The following NUDT21 variants were observed in gnomAD, a reference collection of about 807,000 sequenced individuals.
NUDT21 encodes nudix hydrolase 21.
A neutral mutation model predicts 29.8 loss-of-function variants in NUDT21; 5 were observed. That is an observed-to-expected ratio of 0.17 (90% CI 0.09 to 0.35). NUDT21 has a LOEUF of 0.35. NUDT21 is among the 10% of genes least tolerant of loss of function. The pLI, the probability that NUDT21 is intolerant of heterozygous loss-of-function variation, is 1.00. For missense variants in NUDT21, 76 were observed against 276.0 expected (o/e 0.28, Z 5.13); for synonymous variants, 113 against 98.5 (o/e 1.15, Z -0.87).
At chr16:56,435,922 GGT>G (rs1469359748) in intron 4 of NUDT21, among the ~76,000 whole-genome samples, 1 of 146,348 alleles carries the variant, frequency 6.8e-6, no homozygotes, top group Non-Finnish European at 1.5e-5. Flanking sequence ...CGTATGCCAA[GGT>G]GCATGCTTCA....
intron 4 of NUDT21, 69 bp from the exon 5 acceptor site, chr16:56,434,898 C>T (rs1429542060): frequency 2.4e-5 from 23 of 944,044 alleles, no homozygotes; most frequent in Non-Finnish European, 3.4e-5. Context: ...GTTTACTCCC[C>T]AGTATAGTAT....
chr16:56,436,672 A>G (rs1291070229), intron 4 of NUDT21, among the ~76,000 whole-genome samples: 4 of 152,154 alleles, frequency 2.6e-5, no homozygotes, highest in African/African-American at 9.7e-5. Context: ...CATTTCCCCA[A>G]ATTTCTTCTG....
intron 2 of NUDT21, 88 bp downstream of exon 2, chr16:56,447,694 AAATGAAT>A: frequency 1.8e-6 from 2 of 1,088,722 alleles, no homozygotes; most frequent in Non-Finnish European, 2.7e-6. Flanking sequence ...GTGTTTGTTG[AAATGAAT>A]GACCGAGGGC....
chr16:56,449,283 C>G (rs2143947064), intron 1 of NUDT21: 1 of 152,316 alleles, frequency 6.6e-6, no homozygotes, highest in South Asian at 2.1e-4. Context: ...CCTGTGAAAT[C>G]AGAGTGCCAG....
chr16:56,448,107 G>T, intron 1 of NUDT21, 118 bp from the exon 2 acceptor site: 1 of 781,734 alleles, frequency 1.3e-6, no homozygotes, highest in African/African-American at 1.7e-5. Flanking sequence ...TCAGACACAG[G>T]ATTTGTACAG....
intron 3 of NUDT21, among the ~76,000 whole-genome samples, chr16:56,445,940 TTA>T (rs1962213223): frequency 6.6e-6 from 1 of 152,216 alleles, no homozygotes. Context: ...ACGGGTGACT[TTA>T]GTTTTGTTTC....
At chr16:56,435,016 C>T in intron 4 of NUDT21, 187 bp from the exon 5 acceptor site, 1 of 403,528 alleles carries the variant, frequency 2.5e-6, no homozygotes, top group East Asian at 3.7e-5. Flanking sequence ...AAGCAGTAAA[C>T]CAGTCAACCA....
At chr16:56,440,944 T>G (rs1401631851) in intron 3 of NUDT21, among the ~76,000 whole-genome samples, 1 of 152,094 alleles carries the variant, frequency 6.6e-6, no homozygotes, top group Non-Finnish European at 1.5e-5. Context: ...TTCACCCTGT[T>G]GGTCAGGCTG....
At position 56,444,877 on chromosome 16, in the gene NUDT21, A is replaced by G. The variant is rs139281049; in HGVS notation, c.381+1749T>C. 3.1e-3 allele frequency among the ~76,000 whole-genome samples: 477 copies of G among 152,248 alleles called. 13 individuals carry two copies. The South Asian group carries it at 0.056, about 18-fold the overall frequency. On this transcript the variant is annotated intron_variant, in intron 3 of 6. Coordinates refer to ENST00000300291, the MANE Select transcript of NUDT21 (RefSeq NM_007006.3). ...AAAATCTCAAACTTTTTGAGCACTG[A>G]CATGATGCTCACAGGACATGCTCAG...
Position 56,430,834 on chromosome 16 carries a change from G to C in NUDT21, c.*1878C>G, listed in dbSNP as rs1962025818. ...CTGAATCAAAGGTTTTTCTCAACTA[G>C]GCCTTAGTGTATGGATGACTGGCTC... On this transcript the variant is annotated 3_prime_UTR_variant, in exon 7 of 7. Coordinates refer to ENST00000300291, the MANE Select transcript of NUDT21 (RefSeq NM_007006.3). 6.6e-6 allele frequency: 1 copy of C among 152,182 alleles called. No individual in the cohort carries two copies. The highest frequency in any genetic ancestry group is 2.1e-4 in the South Asian group (1 of 4,826). The allele number at this position is 152,182 out of a possible 1,614,324, so 9.4% of individuals were successfully genotyped here.
At chr16:56,444,615 A>T (rs1962196840) in intron 3 of NUDT21, among the ~76,000 whole-genome samples, 1 of 147,290 alleles carries the variant, frequency 6.8e-6, no homozygotes, top group Non-Finnish European at 1.5e-5. Context: ...AAAAAAAAAC[A>T]AAAACAAAAA....
chr16:56,442,947 T>C (rs1221429146), intron 3 of NUDT21, among the ~76,000 whole-genome samples: 1 of 152,222 alleles, frequency 6.6e-6, no homozygotes, highest in Non-Finnish European at 1.5e-5. Context: ...AATAGCACTG[T>C]TTCACAGGTG....
chr16:56,446,199 C>A (rs1236131238), intron 3 of NUDT21, among the ~76,000 whole-genome samples: 3 of 152,188 alleles, frequency 2.0e-5, no homozygotes, highest in African/African-American at 7.2e-5. Flanking sequence ...ACACAGGCAT[C>A]TTTCTCTTTT....
At chr16:56,447,608 T>A in intron 2 of NUDT21, 181 bp downstream of exon 2, 1 of 592,336 alleles carries the variant, frequency 1.7e-6, no homozygotes, top group Non-Finnish European at 3.0e-6. Context: ...AGATTACTAG[T>A]TAGGAAAATA....
chr16:56,432,706 A>G lies in NUDT21; in HGVS notation c.*6T>C, dbSNP rs201920438. 1,080 of 1,611,170 alleles carry G rather than the reference A, an allele frequency of 6.7e-4. 1 individual carries two copies. Among genetic ancestry groups the G allele is most frequent in the Non-Finnish European group, 7.6e-4 (898 of 1,177,742 alleles). On this transcript the variant is annotated 3_prime_UTR_variant, in exon 7 of 7. Transcript: ENST00000300291. Reference sequence around the variant, plus strand: ...GGCTTCTTTTACTTCTCCACTGCGCAGGAATTCAGTTGTAAATAAAATTGA... The same window carrying G: ...GGCTTCTTTTACTTCTCCACTGCGCGGGAATTCAGTTGTAAATAAAATTGA...
At chr16:56,447,424 T>C (rs1253112763) in intron 2 of NUDT21, among the ~76,000 whole-genome samples, 1 of 152,184 alleles carries the variant, frequency 6.6e-6, no homozygotes, top group Non-Finnish European at 1.5e-5. Context: ...TAAACTGTTA[T>C]CCACAAAAAC....
intron 3 of NUDT21, among the ~76,000 whole-genome samples, chr16:56,441,775 A>AT (rs2143940157): frequency 6.6e-6 from 1 of 152,338 alleles, no homozygotes; most frequent in African/African-American, 2.4e-5. Context: ...TCTTTAGTTA[A>AT]TAACTTTCAT....
At chr16:56,436,576 G>GA (rs1567538151) in intron 4 of NUDT21, among the ~76,000 whole-genome samples, 1 of 152,222 alleles carries the variant, frequency 6.6e-6, no homozygotes, top group East Asian at 1.9e-4. Flanking sequence ...CAGTCACAGA[G>GA]AAAGTGGCCT....
chr16:56,445,402 A>T (rs1962208432), intron 3 of NUDT21, among the ~76,000 whole-genome samples: 1 of 152,244 alleles, frequency 6.6e-6, no homozygotes, highest in Non-Finnish European at 1.5e-5. Context: ...CACCCCCTCA[A>T]GCATTTATCC....
Sources: gnomAD v4.1 joint callset for allele counts (sites outside exome capture counted in the v4.1 genomes callset) on GRCh38, gnomAD v4.1.1 for gene constraint, MANE v1.5 for transcripts, NCBI Gene and HGNC (gene_info 2026-07-23, HGNC 2026-07-21) for gene names.